ORC2: variants seen among roughly 807,000 people sequenced by gnomAD.
The protein encoded by ORC2 is origin recognition complex protein 2 homolog.
In ORC2, 37 loss-of-function variants were observed where a neutral mutation model predicts 77.7. That is an observed-to-expected ratio of 0.48 (90% CI 0.37 to 0.63). The LOEUF (loss-of-function observed/expected upper bound fraction) is 0.63. Ranked by LOEUF, ORC2 falls within the 20% of genes least tolerant of loss-of-function variation. The probability of loss-of-function intolerance (pLI) is 0.00; values close to 1 mark genes in which losing one functional copy is unlikely to be tolerated. For missense variants in ORC2, 557 were observed against 661.9 expected, an observed-to-expected ratio of 0.84 and a Z score of 1.74; for synonymous variants, 201 against 229.5, an observed-to-expected ratio of 0.88 and a Z score of 1.12.
At chr2:200,923,756 A>C (rs76637130) in intron 13 of ORC2, among the ~76,000 whole-genome samples, 8,258 of 152,234 alleles carry the variant, frequency 0.054, 509 homozygotes, top group African/African-American at 0.15. Flanking sequence ...ATCACCAACA[A>C]AAAAGCAGAA....
In ORC2 at chr2:200,913,380, C is replaced by T. The variant is rs16835624; in HGVS notation, c.1562G>A (p.Arg521Gln). 17 of 1,596,022 alleles carry T rather than the reference C, an allele frequency of 1.1e-5. No homozygotes were observed. Among genetic ancestry groups the T allele is most frequent in the Admixed American group, 6.7e-5 (4 of 59,558 alleles). ...ATCACTATTGACGAGGAATGCCTCC[C>T]GACACTGCTGGTAAAAATCTTGAAA... Reference protein sequence around the residue: ...LSFQDFYQQCREAFLVNSDLT... With the variant: ...LSFQDFYQQCQEAFLVNSDLT... Residue 521 changes from arginine (R) to glutamine (Q), a missense_variant, in exon 17 of 18, where the codon CGG becomes CAG. Physicochemically the swap from Arg to Gln is conservative, Grantham distance 43. Transcript: ENST00000234296.
intron 5 of ORC2, among the ~76,000 whole-genome samples, chr2:200,947,799 G>GA (rs2041276918): frequency 6.6e-6 from 1 of 152,034 alleles, no homozygotes; most frequent in Admixed American, 6.6e-5. Context: ...GTAGTGGTGT[G>GA]ATCATGGCTC....
chr2:200,954,140 T>C (rs2041419198), intron 4 of ORC2, among the ~76,000 whole-genome samples: 1 of 151,446 alleles, frequency 6.6e-6, no homozygotes. Flanking sequence ...TCAAGCGATT[T>C]TCCTGCCTCA....
At chr2:200,927,729 GCT>G (rs1316647777) in intron 11 of ORC2, among the ~76,000 whole-genome samples, 1 of 148,354 alleles carries the variant, frequency 6.7e-6, no homozygotes, top group Non-Finnish European at 1.5e-5. Flanking sequence ...TTTTTTTTTC[GCT>G]CTGTCGCCCA....
chr2:200,913,745 A>C (rs781725337), intron 16 of ORC2, 186 bp downstream of exon 16: 27 of 1,381,562 alleles, frequency 2.0e-5, no homozygotes, highest in Non-Finnish European at 2.5e-5. Context: ...TGTGTTGGCA[A>C]ACACCTTGCT....
In ORC2 at chr2:200,953,595, C is replaced by A. The variant is rs2041407033; in HGVS notation, c.238+3806G>T. On this transcript the variant is annotated intron_variant, in intron 4 of 17. Coordinates refer to ENST00000234296, the MANE Select transcript of ORC2 (RefSeq NM_006190.5). Reference sequence around the variant, plus strand: ...GCATTTCCACTTATGGGTATAAACCCCAAAGAATTGAATGCAGGGTCACAA... The same window carrying A: ...GCATTTCCACTTATGGGTATAAACCACAAAGAATTGAATGCAGGGTCACAA... Among the ~76,000 whole-genome samples the A allele has an allele frequency of 2.0e-5, 3 of 152,020 alleles. No individual in the cohort carries two copies. The South Asian group carries it at 6.2e-4, about 32-fold the overall frequency.
chr2:200,926,311 A>G (rs1246082329), intron 12 of ORC2, among the ~76,000 whole-genome samples: 2 of 152,218 alleles, frequency 1.3e-5, no homozygotes, highest in Non-Finnish European at 2.9e-5. Context: ...TCCAGCACCC[A>G]AAAGATTTCA....
intron 5 of ORC2, among the ~76,000 whole-genome samples, chr2:200,944,325 C>A (rs1408175838): frequency 2.0e-5 from 3 of 152,082 alleles, no homozygotes; most frequent in Non-Finnish European, 4.4e-5. Context: ...ACATGTGTGC[C>A]ATCATGCCCA....
chr2:200,962,217 T>C (rs1382809963), intron 1 of ORC2, among the ~76,000 whole-genome samples: 1 of 152,148 alleles, frequency 6.6e-6, no homozygotes, highest in Non-Finnish European at 1.5e-5. Flanking sequence ...AATCACACAA[T>C]AAAATGCAAT....
At chr2:200,935,217 G>A (rs1033146793) in intron 9 of ORC2, among the ~76,000 whole-genome samples, 3 of 152,114 alleles carry the variant, frequency 2.0e-5, no homozygotes, top group African/African-American at 7.2e-5. Flanking sequence ...CTGCCTCCTG[G>A]GTTCCAGCAA....
Position 200,910,302 on chromosome 2 carries a change from A to G in ORC2, c.*999T>C, listed in dbSNP as rs1463596792. 3 of 152,076 alleles carry G rather than the reference A, an allele frequency of 2.0e-5. No homozygotes were observed. The highest frequency in any genetic ancestry group is 7.2e-5 in the African/African-American group (3 of 41,400). 9.4% of individuals were successfully genotyped at this position (152,076 alleles called of 1,614,324 possible). Reference sequence around the variant, plus strand: ...CAAGGTGAGCCTTTTTTCTTTCCTAAGAAAAAAGTCTCGCGCAAATATTCA... The same window carrying G: ...CAAGGTGAGCCTTTTTTCTTTCCTAGGAAAAAAGTCTCGCGCAAATATTCA... On this transcript the variant is annotated 3_prime_UTR_variant, in exon 18 of 18. Transcript: ENST00000234296.
chr2:200,913,221 C>A, intron 17 of ORC2, 74 bp downstream of exon 17: 1 of 1,135,404 alleles, frequency 8.8e-7, no homozygotes, highest in South Asian at 1.4e-5. Flanking sequence ...AGGTCTAAGT[C>A]AAACATATAT....
At chr2:200,953,425 TTA>T (rs199725832) in intron 4 of ORC2, among the ~76,000 whole-genome samples, 25,197 of 148,516 alleles carry the variant, frequency 0.17, 2,253 homozygotes, top group African/African-American at 0.22. Context: ...TTTTTTTTTT[TTA>T]AAAAAGGAAA....
Position 200,913,343 on chromosome 2 carries a change from C to T in ORC2, c.1599G>A (p.Arg533=), listed in dbSNP as rs780816370. 6 of 1,601,504 alleles carry T rather than the reference C, an allele frequency of 3.7e-6. No individual in the cohort carries two copies. Residue 533 remains arginine (R), a synonymous_variant, in exon 17 of 18, where the codon CGG becomes CGA. Transcript: ENST00000234296. ...GGTCCCTAAATTCAGTTAACTGGGC[C>T]CGGAGTGTCAGATCACTATTGACGA... The part of the protein sequence containing the change: ...AFLVNSDLTL[R]AQLTEFRDHK...
rs2124914208 is a variant in ORC2 at position 200,909,219 on chromosome 2, T to C, written c.*2082A>G. ...TTTTAAAAGGAGAAAGACAGATACTTTTACATATGCATAGACGATATCTGG... is the reference window on the plus strand; with the variant it reads ...TTTTAAAAGGAGAAAGACAGATACTCTTACATATGCATAGACGATATCTGG... On this transcript the variant is annotated 3_prime_UTR_variant, in exon 18 of 18. Coordinates refer to ENST00000234296, the MANE Select transcript of ORC2 (RefSeq NM_006190.5). 1 of 152,252 alleles carries C rather than the reference T, an allele frequency of 6.6e-6. No individual in the cohort carries two copies. The highest frequency in any genetic ancestry group is 2.1e-4 in the South Asian group (1 of 4,828). 9.4% of individuals were successfully genotyped at this position (152,252 alleles called of 1,614,324 possible).
chr2:200,935,660 C>T, intron 9 of ORC2, 39 bp downstream of exon 9: 1 of 1,404,172 alleles, frequency 7.1e-7, no homozygotes, highest in Non-Finnish European at 9.6e-7. Context: ...AAATATTACA[C>T]AATTTTTCTT....
At chr2:200,943,361 A>C (rs1351100924) in intron 5 of ORC2, among the ~76,000 whole-genome samples, 1 of 151,988 alleles carries the variant, frequency 6.6e-6, no homozygotes, top group African/African-American at 2.4e-5. Context: ...TTACTTTAAC[A>C]ATTTTCTTTC....
rs775087299 is a variant in ORC2 at position 200,913,348 on chromosome 2, G to A, written c.1594C>T (p.Leu532Phe). The A allele has an allele frequency of 2.1e-5, 33 of 1,601,918 alleles. No homozygotes were observed. The East Asian group carries it at 7.1e-4, about 35-fold the overall frequency. The change falls in exon 17 of 18, where the codon CTC becomes TTC. Residue 532 changes from leucine to phenylalanine, a missense_variant. Transcript: ENST00000234296. ...CTAAATTCAGTTAACTGGGCCCGGA[G>A]TGTCAGATCACTATTGACGAGGAAT... ...EAFLVNSDLT[L>F]RAQLTEFRDH...
rs1282898286 is a variant in ORC2 at position 200,933,956 on chromosome 2, ATTC to A, written c.724_726del (p.Glu242del). On this transcript the variant is annotated inframe_deletion, in exon 10 of 18. Coordinates refer to ENST00000234296, the MANE Select transcript of ORC2 (RefSeq NM_006190.5). ...TTTGAACTGCTGTGAGCTTCAAAAT[ATTC>A]TTCTACTAAGTCACTCTGAAAGTGA... The A allele has an allele frequency of 6.2e-7, 1 of 1,603,592 alleles. No individual in the cohort carries two copies. Among genetic ancestry groups the A allele is most frequent in the East Asian group, 2.2e-5 (1 of 44,686 alleles).
Sources: gnomAD v4.1 joint callset for allele counts (sites outside exome capture counted in the v4.1 genomes callset) on GRCh38, gnomAD v4.1.1 for gene constraint, MANE v1.5 for transcripts, NCBI Gene and HGNC (gene_info 2026-07-23, HGNC 2026-07-21) for gene names.